The following ACOXL variants were observed in gnomAD, a reference collection of about 807,000 sequenced individuals.
The protein encoded by ACOXL is acyl-coenzyme A oxidase-like protein.
A neutral mutation model predicts 71.9 loss-of-function variants in ACOXL; 70 were observed. The observed-to-expected ratio is 0.97, with a 90% CI of 0.80 to 1.19. The LOEUF (loss-of-function observed/expected upper bound fraction) is 1.19. ACOXL is among the 50% of genes most tolerant of loss of function. The probability of loss-of-function intolerance (pLI) is 0.00; values close to 1 mark genes in which losing one functional copy is unlikely to be tolerated. For missense variants in ACOXL, 703 were observed against 736.3 expected (o/e 0.95, Z 0.52); for synonymous variants, 253 against 281.6 (o/e 0.90, Z 1.02).
intron 2 of ACOXL, among the ~76,000 whole-genome samples, chr2:110,771,442 G>A (rs150274425): frequency 2.6e-5 from 4 of 152,240 alleles, no homozygotes; most frequent in Non-Finnish European, 5.9e-5. Flanking sequence ...TGGATGATCC[G>A]ATGAGCTCTG....
chr2:110,800,277 G>A lies in ACOXL; in HGVS notation c.547+1177G>A, dbSNP rs563535189. Reference sequence around the variant, plus strand: ...AGGAACCAACTCCAGACACAGTGAGGGAAGGATTTGTTCTAGGACTGTGTC... The same window carrying A: ...AGGAACCAACTCCAGACACAGTGAGAGAAGGATTTGTTCTAGGACTGTGTC... On this transcript the variant is annotated intron_variant, in intron 7 of 17. Coordinates refer to ENST00000439055, the MANE Select transcript of ACOXL (RefSeq NM_001142807.4). Among the ~76,000 whole-genome samples, 36 of 152,284 alleles carry A rather than the reference G, an allele frequency of 2.4e-4. No homozygotes were observed. The South Asian group carries it at 7.5e-3, about 32-fold the overall frequency.
chr2:110,837,764 A>C (rs1280415951), intron 9 of ACOXL, among the ~76,000 whole-genome samples: 1 of 152,192 alleles, frequency 6.6e-6, no homozygotes, highest in East Asian at 1.9e-4. Flanking sequence ...ATGTGATTTA[A>C]TTTTGATACT....
chr2:111,017,428 A>G (rs556944789), intron 14 of ACOXL, among the ~76,000 whole-genome samples: 1 of 152,376 alleles, frequency 6.6e-6, no homozygotes, highest in Non-Finnish European at 1.5e-5. Context: ...GCGCAAGCTC[A>G]GCAGTGGCAG....
chr2:110,943,943 A>G (rs894231218), intron 12 of ACOXL, among the ~76,000 whole-genome samples: 1 of 152,154 alleles, frequency 6.6e-6, no homozygotes, highest in Non-Finnish European at 1.5e-5. Flanking sequence ...AGTGAATACT[A>G]TTATTAGTCT....
chr2:110,995,122 T>G lies in ACOXL; in HGVS notation c.1170-771T>G, dbSNP rs115787204. ...TAATATCCAATTATAATAATTATAA[T>G]AAATGCCCAGCAGTGGTTATTATAA... On this transcript the variant is annotated intron_variant, in intron 13 of 17. Coordinates refer to ENST00000439055, the MANE Select transcript of ACOXL (RefSeq NM_001142807.4). 6.5e-3 allele frequency among the ~76,000 whole-genome samples: 981 copies of G among 151,918 alleles called. 13 individuals are homozygous for G. The highest frequency in any genetic ancestry group is 0.023 in the African/African-American group (941 of 41,472).
At chr2:111,060,718 T>C (rs2066772560) in intron 16 of ACOXL, among the ~76,000 whole-genome samples, 1 of 152,214 alleles carries the variant, frequency 6.6e-6, no homozygotes, top group African/African-American at 2.4e-5. Context: ...GGAAAAGGTT[T>C]TAAAGCAGTT....
chr2:110,891,819 C>G (rs1017380684), intron 10 of ACOXL, among the ~76,000 whole-genome samples: 2 of 151,800 alleles, frequency 1.3e-5, no homozygotes, highest in African/African-American at 2.4e-5. Flanking sequence ...TATGTCAGGT[C>G]CAGTCCATGA....
chr2:110,917,541 G>A (rs570046607), intron 11 of ACOXL, among the ~76,000 whole-genome samples: 5 of 152,326 alleles, frequency 3.3e-5, no homozygotes, highest in African/African-American at 1.2e-4. Flanking sequence ...ATAGTATTGG[G>A]AGTTCTGGCC....
intron 10 of ACOXL, among the ~76,000 whole-genome samples, chr2:110,893,464 A>C (rs770903267): frequency 1.1e-4 from 17 of 152,236 alleles, no homozygotes; most frequent in Non-Finnish European, 2.1e-4. Context: ...CAGCTTTGGT[A>C]GGAATGTATT....
At chr2:111,045,018 G>A (rs574727444) in intron 15 of ACOXL, among the ~76,000 whole-genome samples, 1 of 152,260 alleles carries the variant, frequency 6.6e-6, no homozygotes, top group South Asian at 2.1e-4. Context: ...CAACCAAGGA[G>A]AACTTAACTC....
chr2:110,863,235 A>C (rs1397128645), intron 10 of ACOXL, among the ~76,000 whole-genome samples: 2 of 152,236 alleles, frequency 1.3e-5, no homozygotes, highest in African/African-American at 4.8e-5. Context: ...TGTTCTTATG[A>C]TGGAATATTA....
Position 111,013,901 on chromosome 2 carries a change from T to G in ACOXL, c.1282-17726T>G, listed in dbSNP as rs570740527. Among the ~76,000 whole-genome samples the G allele has an allele frequency of 1.1e-4, 16 of 152,282 alleles. No individual in the cohort carries two copies. In the South Asian group the frequency reaches 3.3e-3, roughly 32 times the overall value. On this transcript the variant is annotated intron_variant, in intron 14 of 17. Coordinates refer to ENST00000439055, the MANE Select transcript of ACOXL (RefSeq NM_001142807.4). ...CATAATAGAATACATCATAACAAAGTAGTGTTTATTATAAGAATGCGAGGT... is the reference window on the plus strand; with the variant it reads ...CATAATAGAATACATCATAACAAAGGAGTGTTTATTATAAGAATGCGAGGT...
intron 16 of ACOXL, among the ~76,000 whole-genome samples, chr2:111,054,113 C>G (rs1282002710): frequency 6.6e-6 from 1 of 152,192 alleles, no homozygotes; most frequent in Non-Finnish European, 1.5e-5. Flanking sequence ...AGGTACCTGG[C>G]TAGAAGCACC....
intron 16 of ACOXL, among the ~76,000 whole-genome samples, chr2:111,079,656 C>G (rs1189404528): frequency 6.6e-6 from 1 of 152,170 alleles, no homozygotes; most frequent in Non-Finnish European, 1.5e-5. Context: ...GAATTCTGAT[C>G]TTCTTCCCTA....
chr2:110,988,264 C>T (rs974922665), intron 13 of ACOXL, among the ~76,000 whole-genome samples: 2 of 152,048 alleles, frequency 1.3e-5, no homozygotes, highest in African/African-American at 4.8e-5. Context: ...ATGGTGAGAC[C>T]TCTGTCTCTA....
intron 14 of ACOXL, among the ~76,000 whole-genome samples, chr2:111,012,139 G>A (rs2064199019): frequency 6.6e-6 from 1 of 152,142 alleles, no homozygotes; most frequent in African/African-American, 2.4e-5. Flanking sequence ...TTGTTTTATT[G>A]CATACTGCAG....
chr2:110,867,143 C>CTGG (rs1694707459), intron 10 of ACOXL, among the ~76,000 whole-genome samples: 1 of 151,960 alleles, frequency 6.6e-6, no homozygotes, highest in Non-Finnish European at 1.5e-5. Flanking sequence ...AAGTTAGGTG[C>CTGG]GACTGGAGAA....
In ACOXL at chr2:110,943,005, GGAAA is replaced by G. The variant is rs1269465134; in HGVS notation, c.1059+9370_1059+9373del. Among the ~76,000 whole-genome samples the G allele has an allele frequency of 4.5e-3, 574 of 128,188 alleles. 5 individuals carry two copies. The highest frequency in any genetic ancestry group is 0.016 in the African/African-American group (543 of 33,934). The allele number at this position is 128,188 out of a possible 152,430, so 84.1% of individuals were successfully genotyped here. On this transcript the variant is annotated intron_variant, in intron 12 of 17. Coordinates refer to ENST00000439055, the MANE Select transcript of ACOXL (RefSeq NM_001142807.4). Reference sequence around the variant, plus strand: ...TGGGAGGGAGGGAGGGAGGAAGGAAGGAAAGAAAGAGAAAGGAAGGAAGAAGGAA... The same window carrying G: ...TGGGAGGGAGGGAGGGAGGAAGGAAGGAAAGAGAAAGGAAGGAAGAAGGAA...
chr2:110,905,357 G>A (rs1009314442), intron 10 of ACOXL, among the ~76,000 whole-genome samples: 26 of 152,170 alleles, frequency 1.7e-4, no homozygotes, highest in Admixed American at 5.2e-4. Flanking sequence ...GGTCCAGGAT[G>A]GGAAGCATCT....
Sources: allele counts gnomAD v4.1 joint callset (sites outside exome capture counted in the v4.1 genomes callset), GRCh38; gene constraint gnomAD v4.1.1; transcripts MANE v1.5; gene names NCBI Gene and HGNC (gene_info 2026-07-23, HGNC 2026-07-21).